The following SLC25A21 variants were observed in gnomAD, a reference collection of about 807,000 sequenced individuals.
SLC25A21 encodes the protein mitochondrial 2-oxodicarboxylate carrier.
A neutral mutation model predicts 43.8 loss-of-function variants in SLC25A21; 47 were observed. That is an observed-to-expected ratio of 1.07 (90% confidence interval 0.85 to 1.37). The LOEUF is 1.37. Ranked by LOEUF, SLC25A21 falls within the 40% of genes most tolerant of loss-of-function variation. SLC25A21 has a pLI of 0.00. For missense variants in SLC25A21, 352 were observed against 350.2 expected (o/e 1.00, Z -0.04); for synonymous variants, 131 against 121.3 (o/e 1.08, Z -0.52).
At chr14:37,168,741 A>C (rs1275862491) in intron 1 of SLC25A21, among the ~76,000 whole-genome samples, 2 of 152,158 alleles carry the variant, frequency 1.3e-5, no homozygotes, top group Admixed American at 6.5e-5. Flanking sequence ...ACAACAACAA[A>C]AAACCCAGCA....
intron 1 of SLC25A21, among the ~76,000 whole-genome samples, chr14:37,085,966 G>A (rs1404837103): frequency 2.6e-5 from 4 of 152,110 alleles, no homozygotes; most frequent in African/African-American, 4.8e-5. Flanking sequence ...TTAGCCGGGC[G>A]TGGTGGCGGG....
intron 7 of SLC25A21, among the ~76,000 whole-genome samples, chr14:36,689,389 G>T (rs1179312284): frequency 6.6e-6 from 1 of 152,142 alleles, no homozygotes; most frequent in Non-Finnish European, 1.5e-5. Context: ...ATCAGCTTCT[G>T]TGTCTGTGTA....
intron 1 of SLC25A21, among the ~76,000 whole-genome samples, chr14:36,933,431 G>T (rs115055871): frequency 6.6e-6 from 1 of 152,048 alleles, no homozygotes; most frequent in African/African-American, 2.4e-5. Flanking sequence ...GATGCATGCC[G>T]GCTTCAACAG....
intron 1 of SLC25A21, among the ~76,000 whole-genome samples, chr14:36,885,575 A>T (rs1291837279): frequency 6.6e-6 from 1 of 152,198 alleles, no homozygotes; most frequent in East Asian, 1.9e-4. Flanking sequence ...AACAATATTA[A>T]TTCTTCCAAC....
At chr14:37,053,290 A>G (rs1483141349) in intron 1 of SLC25A21, among the ~76,000 whole-genome samples, 2 of 152,226 alleles carry the variant, frequency 1.3e-5, no homozygotes, top group Non-Finnish European at 1.5e-5. Context: ...TTACTGACAT[A>G]TAAGAATTCA....
At position 37,085,225 on chromosome 14, in the gene SLC25A21, G is replaced by C. The variant is rs1962461652; in HGVS notation, c.70+87056C>G. On this transcript the variant is annotated intron_variant, in intron 1 of 9. Coordinates refer to ENST00000331299, the MANE Select transcript of SLC25A21 (RefSeq NM_030631.4). ...TCCCCTAACCACTCTATTTAAAACA[G>C]ACAACACGCCACGCTCGTTGGATGA... 3.3e-5 allele frequency among the ~76,000 whole-genome samples: 5 copies of C among 152,054 alleles called. No homozygotes were observed. In the South Asian group the frequency reaches 1.0e-3, roughly 32 times the overall value.
At chr14:37,075,009 A>T (rs1414775781) in intron 1 of SLC25A21, among the ~76,000 whole-genome samples, 1 of 152,174 alleles carries the variant, frequency 6.6e-6, no homozygotes, top group Non-Finnish European at 1.5e-5. Flanking sequence ...ATTGTTAATT[A>T]CATGGACCCT....
rs550784820 is a variant in SLC25A21 at position 37,080,526 on chromosome 14, G to T, written c.70+91755C>A. On this transcript the variant is annotated intron_variant, in intron 1 of 9. Transcript: ENST00000331299. Reference sequence around the variant, plus strand: ...GAGGTGGGAGGATCGCCTGAGCCCAGGAGGTCGAGACTGCAGTGAGCCATG... The same window carrying T: ...GAGGTGGGAGGATCGCCTGAGCCCATGAGGTCGAGACTGCAGTGAGCCATG... Among the ~76,000 whole-genome samples the T allele has an allele frequency of 7.4e-4, 112 of 152,296 alleles. 1 individual carries two copies. The Middle Eastern group carries it at 0.014, about 19-fold the overall frequency.
At chr14:36,897,853 T>G (rs1423304359) in intron 1 of SLC25A21, among the ~76,000 whole-genome samples, 1 of 152,172 alleles carries the variant, frequency 6.6e-6, no homozygotes, top group Admixed American at 6.5e-5. Context: ...ACAGCAGATA[T>G]GGGTGAACAG....
At chr14:36,789,785 T>TTTATATATAATATATTTTATATA (rs1457090465) in intron 3 of SLC25A21, among the ~76,000 whole-genome samples, 1,735 of 81,020 alleles carry the variant, frequency 0.021, 209 homozygotes, top group African/African-American at 0.083. Context: ...ATTTTATATA[T>TTTATATATAATATATTTTATATA]TTATATATAA....
In SLC25A21 at chr14:36,721,283, C is replaced by A. The variant is rs71405781; in HGVS notation, c.438+4287G>T. Among the ~76,000 whole-genome samples the A allele has an allele frequency of 9.2e-3, 1,400 of 152,282 alleles. 11 individuals carry two copies. Among genetic ancestry groups the A allele is most frequent in the Non-Finnish European group, 0.013 (890 of 68,022 alleles). On this transcript the variant is annotated intron_variant, in intron 6 of 9. Coordinates refer to ENST00000331299, the MANE Select transcript of SLC25A21 (RefSeq NM_030631.4). ...ACAGCTTTATATAGTCTCACTTAACCCTCATTTGACTGTTTGACATGGCTA... is the reference window on the plus strand; with the variant it reads ...ACAGCTTTATATAGTCTCACTTAACACTCATTTGACTGTTTGACATGGCTA...
intron 1 of SLC25A21, among the ~76,000 whole-genome samples, chr14:37,048,365 G>A (rs1446999285): frequency 6.6e-6 from 1 of 151,930 alleles, no homozygotes; most frequent in Non-Finnish European, 1.5e-5. Context: ...GGAAATTACT[G>A]TCATCATAAA....
intron 7 of SLC25A21, among the ~76,000 whole-genome samples, chr14:36,709,511 C>A (rs1056181197): frequency 1.3e-5 from 2 of 152,166 alleles, no homozygotes; most frequent in African/African-American, 2.4e-5. Flanking sequence ...TCCCTGGAGT[C>A]AGAATTGTCA....
intron 1 of SLC25A21, among the ~76,000 whole-genome samples, chr14:37,107,316 T>C (rs1962933389): frequency 6.6e-6 from 1 of 151,980 alleles, no homozygotes; most frequent in Admixed American, 6.6e-5. Flanking sequence ...TAGCTAGGAC[T>C]ACAGGTACGG....
At chr14:36,933,418 T>C (rs1023759882) in intron 1 of SLC25A21, among the ~76,000 whole-genome samples, 1 of 152,152 alleles carries the variant, frequency 6.6e-6, no homozygotes, top group Non-Finnish European at 1.5e-5. Context: ...CACCGGGATA[T>C]TTGATGCATG....
chr14:36,700,227 C>T lies in SLC25A21; in HGVS notation c.603+11091G>A, dbSNP rs1883220808. Among the ~76,000 whole-genome samples, 3 of 152,200 alleles carry T rather than the reference C, an allele frequency of 2.0e-5. No individual in the cohort carries two copies. The South Asian group carries it at 6.2e-4, about 32-fold the overall frequency. Reference sequence around the variant, plus strand: ...TGATGTAAAAATAAAACACATTCTTCCTCCCTTCCTTTCCATCCCCTTCTT... The same window carrying T: ...TGATGTAAAAATAAAACACATTCTTTCTCCCTTCCTTTCCATCCCCTTCTT... On this transcript the variant is annotated intron_variant, in intron 7 of 9. Transcript: ENST00000331299.
intron 1 of SLC25A21, among the ~76,000 whole-genome samples, chr14:36,998,077 G>T (rs547511847): frequency 2.0e-5 from 3 of 152,068 alleles, no homozygotes; most frequent in African/African-American, 7.2e-5. Flanking sequence ...ACATTTTCCC[G>T]AAGTGCAATC....
chr14:36,813,023 A>G (rs550344390), intron 3 of SLC25A21, among the ~76,000 whole-genome samples: 4 of 152,326 alleles, frequency 2.6e-5, no homozygotes, highest in Non-Finnish European at 4.4e-5. Context: ...TTATAAAAAC[A>G]ATTTCCAAAA....
intron 1 of SLC25A21, among the ~76,000 whole-genome samples, chr14:37,138,352 A>G (rs570765260): frequency 1.2e-4 from 19 of 152,326 alleles, no homozygotes; most frequent in African/African-American, 4.6e-4. Context: ...AATTTATAAG[A>G]TATGGCCTTT....
Sources: gnomAD v4.1 joint callset for allele counts (sites outside exome capture counted in the v4.1 genomes callset) on GRCh38, gnomAD v4.1.1 for gene constraint, MANE v1.5 for transcripts, NCBI Gene and HGNC (gene_info 2026-07-23, HGNC 2026-07-21) for gene names.